The following NFE2L3 variants were observed in gnomAD, a reference collection of about 807,000 sequenced individuals.
The protein encoded by NFE2L3 is nuclear factor erythroid 2-related factor 3.
In NFE2L3, 18 loss-of-function variants were observed where a neutral mutation model predicts 23.5. The observed-to-expected ratio is 0.77, with a 90% confidence interval of 0.53 to 1.13. The LOEUF (loss-of-function observed/expected upper bound fraction) is 1.13, where lower values mean the gene tolerates loss of function less well. Among genes scored for constraint, NFE2L3 ranks in the 50% most tolerant of loss-of-function variants. The pLI is 0.00. For synonymous variants in NFE2L3, 424 were observed against 354.5 expected (o/e 1.20, Z -2.20); for missense variants, 1,152 against 877.2 (o/e 1.31, Z -3.96).
intron 2 of NFE2L3, among the ~76,000 whole-genome samples, chr7:26,178,484 A>G (rs545898560): frequency 6.6e-6 from 1 of 152,322 alleles, no homozygotes; most frequent in African/African-American, 2.4e-5. Context: ...GGCCTAGTCC[A>G]GGAGAGCAAG....
At chr7:26,154,170 C>T (rs983159804) in intron 1 of NFE2L3, among the ~76,000 whole-genome samples, 1 of 152,178 alleles carries the variant, frequency 6.6e-6, no homozygotes, top group Non-Finnish European at 1.5e-5. Flanking sequence ...CTGAGCCCTT[C>T]CTCTTCCTGG....
intron 1 of NFE2L3, among the ~76,000 whole-genome samples, chr7:26,161,629 C>T (rs976922134): frequency 1.3e-5 from 2 of 151,988 alleles, no homozygotes; most frequent in African/African-American, 4.8e-5. Context: ...GCTGAAAGCC[C>T]TTCTATGAAT....
At chr7:26,181,483 C>A (rs1469249439) in intron 2 of NFE2L3, among the ~76,000 whole-genome samples, 1 of 152,048 alleles carries the variant, frequency 6.6e-6, no homozygotes, top group Non-Finnish European at 1.5e-5. Context: ...GAAATCAGAA[C>A]CCCAGTGGGG....
At position 26,169,782 on chromosome 7, in the gene NFE2L3, T is replaced by C. The variant is rs530071247; in HGVS notation, c.571-8161T>C. On this transcript the variant is annotated intron_variant, in intron 1 of 3. Coordinates refer to ENST00000056233, the MANE Select transcript of NFE2L3 (RefSeq NM_004289.7). The stretch of plus-strand genomic sequence containing the variant: ...GAAGTATTTTTCTTCCCTCAGTCTG[T>C]GGAATTCAGTCTGCCATCCAGATTC... Among the ~76,000 whole-genome samples, 6 of 152,332 alleles carry C rather than the reference T, an allele frequency of 3.9e-5. No individual in the cohort carries two copies. The South Asian group carries it at 1.2e-3, about 32-fold the overall frequency.
At chr7:26,153,117 G>A (rs1166995900) in intron 1 of NFE2L3, 49 bp downstream of exon 1, 3 of 1,479,828 alleles carry the variant, frequency 2.0e-6, no homozygotes, top group Non-Finnish European at 1.8e-6. Flanking sequence ...ACGCCGCCGG[G>A]AGCCCCCGAG....
intron 2 of NFE2L3, among the ~76,000 whole-genome samples, chr7:26,180,272 C>T (rs769896412): frequency 6.6e-6 from 1 of 152,138 alleles, no homozygotes; most frequent in Non-Finnish European, 1.5e-5. Context: ...AGAGAGCACA[C>T]CCCAAGGAAC....
At chr7:26,155,816 A>T (rs79313005) in intron 1 of NFE2L3, among the ~76,000 whole-genome samples, 66 of 152,294 alleles carry the variant, frequency 4.3e-4, no homozygotes, top group African/African-American at 1.5e-3. Flanking sequence ...ATGCCCTCCC[A>T]TAAGCTGCTT....
At chr7:26,163,981 C>T (rs1375091006) in intron 1 of NFE2L3, among the ~76,000 whole-genome samples, 1 of 152,168 alleles carries the variant, frequency 6.6e-6, no homozygotes, top group Non-Finnish European at 1.5e-5. Flanking sequence ...GCAAAGGACA[C>T]AAACTCATCC....
intron 1 of NFE2L3, among the ~76,000 whole-genome samples, chr7:26,176,247 T>G (rs1167194569): frequency 6.6e-6 from 1 of 152,230 alleles, no homozygotes; most frequent in Non-Finnish European, 1.5e-5. Context: ...TGGAGTCTCC[T>G]GTGTCTACTT....
chr7:26,169,817 G>A (rs940140339), intron 1 of NFE2L3, among the ~76,000 whole-genome samples: 18 of 152,172 alleles, frequency 1.2e-4, no homozygotes, highest in Admixed American at 5.2e-4. Context: ...CTTGAGAGTG[G>A]CCGGGCGCGG....
At chr7:26,171,135 T>C (rs988982903) in intron 1 of NFE2L3, among the ~76,000 whole-genome samples, 4 of 152,214 alleles carry the variant, frequency 2.6e-5, no homozygotes, top group South Asian at 2.1e-4. Context: ...CACATATCCA[T>C]TGACCCAGCA....
At position 26,152,351 on chromosome 7, in the gene NFE2L3, C is replaced by G; in HGVS notation, c.-148C>G. 1 of 448,426 alleles carries G rather than the reference C, an allele frequency of 2.2e-6. No individual in the cohort carries two copies. Among genetic ancestry groups the G allele is most frequent in the Non-Finnish European group, 3.3e-6 (1 of 300,638 alleles). 27.8% of individuals were successfully genotyped at this position (448,426 alleles called of 1,614,324 possible). A position where few individuals can be genotyped will look rare whatever the true frequency, so the allele number is the denominator to read the frequency against. On this transcript the variant is annotated 5_prime_UTR_variant, in exon 1 of 4. Transcript: ENST00000056233. This position sits in a 1 kb window ranked among gnomAD's most constrained non-coding sequence, Gnocchi z 4.4. ...TGTGCCCGGTGCTGGGAACCCGCGA[C>G]GGCCGCCACGCGCCCCGGTCCATTG...
At chr7:26,155,546 T>C (rs1278628453) in intron 1 of NFE2L3, among the ~76,000 whole-genome samples, 1 of 152,070 alleles carries the variant, frequency 6.6e-6, no homozygotes, top group Non-Finnish European at 1.5e-5. Flanking sequence ...CCTGAGTCTC[T>C]TGACTCTCAG....
rs778057183 is a variant in NFE2L3, at chr7:26,183,685, T to C, written c.751-16T>C. The C allele has an allele frequency of 1.3e-6, 2 of 1,551,914 alleles. No individual in the cohort carries two copies. Among genetic ancestry groups the C allele is most frequent in the Non-Finnish European group, 8.9e-7 (1 of 1,123,562 alleles). ...GTCTTTTATGTGAAAGATGCACTTT[T>C]TGTGTTTCTCTACAGAGACATCTGA... is the stretch of plus-strand genomic sequence containing the variant. On this transcript the variant is annotated splice_polypyrimidine_tract_variant and intron_variant, in intron 2 of 3. Coordinates refer to ENST00000056233, the MANE Select transcript of NFE2L3 (RefSeq NM_004289.7).
chr7:26,184,432 TAGAGGAATTGACAAAAGAGGGG>T, intron 3 of NFE2L3, 79 bp from the exon 4 acceptor site: 12 of 1,036,470 alleles, frequency 1.2e-5, no homozygotes, highest in Non-Finnish European at 1.7e-5. Flanking sequence ...CTATTAAATG[TAGAGGAATTGACAAAAGAGGGG>T]AAAGAAAGTT....
chr7:26,153,090 A>G, intron 1 of NFE2L3, 22 bp downstream of exon 1: 1 of 1,509,926 alleles, frequency 6.6e-7, no homozygotes, highest in Non-Finnish European at 8.8e-7. Flanking sequence ...GCGGGAAGCG[A>G]GCGAAGTGCG....
chr7:26,152,911 G>A lies in NFE2L3; in HGVS notation c.413G>A (p.Gly138Glu). The change falls in exon 1 of 4, where the codon GGA (glycine) becomes GAA (glutamate). Residue 138 changes from glycine to glutamate, a missense_variant. Physicochemically the swap from Gly to Glu is moderately conservative, Grantham distance 98. Coordinates refer to ENST00000056233, the MANE Select transcript of NFE2L3 (RefSeq NM_004289.7). This position sits in a 1 kb window ranked among gnomAD's most constrained non-coding sequence, Gnocchi z 4.4. ...LGAAAASSTG[G>E]AGASVDGGSQ... ...GCCGCCGCCGCCTCGTCCACCGGAG[G>A]AGCCGGCGCCAGCGTGGACGGCGGC... is the stretch of plus-strand genomic sequence containing the variant. 6.9e-7 allele frequency: 1 copy of A among 1,445,132 alleles called. No homozygotes were observed. The highest frequency in any genetic ancestry group is 9.0e-7 in the Non-Finnish European group (1 of 1,110,466). 89.5% of individuals were successfully genotyped at this position (1,445,132 alleles called of 1,614,324 possible). A position where few individuals can be genotyped will look rare whatever the true frequency, so the allele number is the denominator to read the frequency against.
At chr7:26,173,595 T>C (rs1391699144) in intron 1 of NFE2L3, 2 of 152,208 alleles carry the variant, frequency 1.3e-5, no homozygotes, top group Non-Finnish European at 2.9e-5. Context: ...AAACCTTACC[T>C]TGGCAAAAGA....
intron 1 of NFE2L3, among the ~76,000 whole-genome samples, chr7:26,168,331 T>C (rs1784281107): frequency 6.6e-6 from 1 of 151,662 alleles, no homozygotes; most frequent in South Asian, 2.1e-4. Flanking sequence ...GAGACAGGGT[T>C]TCACCATGTT....
Sources: gnomAD v4.1 joint callset for allele counts (sites outside exome capture counted in the v4.1 genomes callset) on GRCh38, gnomAD v4.1.1 for gene constraint, Gnocchi (gnomAD v3.1) non-coding constraint, MANE v1.5 for transcripts, NCBI Gene and HGNC (gene_info 2026-07-23, HGNC 2026-07-21) for gene names.